Variants in EPHX1 observed in about 807,000 individuals in gnomAD.
EPHX1 encodes the protein epoxide hydratase.
In EPHX1, 40 loss-of-function variants were observed where a neutral mutation model predicts 43.2. That is an observed-to-expected ratio of 0.93 (90% CI 0.72 to 1.21). The LOEUF is 1.21. Among genes scored for constraint, EPHX1 ranks in the 50% most tolerant of loss-of-function variants. The pLI, the probability that EPHX1 is intolerant of heterozygous loss-of-function variation, is 0.00. For missense variants in EPHX1, 550 were observed against 570.4 expected (o/e 0.96, Z 0.36); for synonymous variants, 221 against 226.7 (o/e 0.98, Z 0.22).
At chr1:225,824,827 A>AC (rs1305767870) in intron 1 of EPHX1, among the ~76,000 whole-genome samples, 2 of 152,232 alleles carry the variant, frequency 1.3e-5, no homozygotes, top group East Asian at 1.9e-4. Context: ...TTGGAAACCC[A>AC]CCCCCACACA....
In EPHX1 at chr1:225,839,855, T is replaced by C. The variant is rs771039236; in HGVS notation, c.749T>C (p.Met250Thr). The change falls in exon 6 of 9, where the codon ATG becomes ACG. Residue 250 changes from methionine (M) to threonine (T), a missense_variant. Met to Thr is a moderately conservative substitution (Grantham distance 81). Coordinates refer to ENST00000272167, the MANE Select transcript of EPHX1 (RefSeq NM_001136018.4). Reference sequence around the variant, plus strand: ...CACGTGAAAGGCCTGCACTTGAACATGGCTTTGGTTTTAAGCAACTTCTCT... The same window carrying C: ...CACGTGAAAGGCCTGCACTTGAACACGGCTTTGGTTTTAAGCAACTTCTCT... ...PSHVKGLHLN[M>T]ALVLSNFSTL... is the part of the protein sequence containing the mutation. 1.7e-5 allele frequency: 27 copies of C among 1,614,010 alleles called. 1 individual carries two copies. The African/African-American group carries it at 3.3e-4, about 20-fold the overall frequency.
rs74815607 is a variant in EPHX1 at position 225,812,558 on chromosome 1, G to A, written c.-6+2389G>A. Among the ~76,000 whole-genome samples, 311 of 152,318 alleles carry A rather than the reference G, an allele frequency of 2.0e-3. 4 individuals carry two copies. The East Asian group carries it at 0.039, about 19-fold the overall frequency. ...TAACTGGCATTTTCAGGGAGCCCAG[G>A]TTCACCAATGCACAGTGCCCCTCCT... On this transcript the variant is annotated intron_variant, in intron 1 of 8. Coordinates refer to ENST00000272167, the MANE Select transcript of EPHX1 (RefSeq NM_001136018.4).
chr1:225,839,040 C>T (rs969639035), intron 4 of EPHX1, among the ~76,000 whole-genome samples, 159 bp downstream of exon 4: 12 of 152,208 alleles, frequency 7.9e-5, no homozygotes, highest in South Asian at 2.1e-4. Flanking sequence ...CACCGCCCTC[C>T]GGGGCTGGAG....
chr1:225,824,640 A>C (rs1461420644), intron 1 of EPHX1, among the ~76,000 whole-genome samples: 2 of 152,230 alleles, frequency 1.3e-5, no homozygotes, highest in African/African-American at 4.8e-5. Context: ...GGCTCAGTCA[A>C]GAGGGCGCCA....
chr1:225,831,919 G>A lies in EPHX1; in HGVS notation c.324G>A (p.Glu108=). 6.2e-7 allele frequency: 1 copy of A among 1,614,206 alleles called. No homozygotes were observed. Among genetic ancestry groups the A allele is most frequent in the Non-Finnish European group, 8.5e-7 (1 of 1,180,050 alleles). Residue 108 remains glutamate (E), a synonymous_variant, in exon 3 of 9, where the codon GAG becomes GAA. Coordinates refer to ENST00000272167, the MANE Select transcript of EPHX1 (RefSeq NM_001136018.4). The part of the protein sequence containing the change: ...RNEFDWKKQV[E]ILNRYPHFKT... ...AATTTGACTGGAAGAAGCAGGTGGA[G>A]ATTCTCAACAGATACCCTCACTTCA...
rs893738038 is a variant in EPHX1 at position 225,838,537 on chromosome 1, G to A, written c.365-117G>A. On this transcript the variant is annotated intron_variant, in intron 3 of 8. Coordinates refer to ENST00000272167, the MANE Select transcript of EPHX1 (RefSeq NM_001136018.4). ...CCTTATTACTGTCAATACCATGAAG[G>A]GGCGGCGGGGGCACTAAGGGTGGCA... 1.1e-5 allele frequency: 9 copies of A among 820,094 alleles called. No homozygotes were observed. In the Admixed American group the frequency reaches 1.3e-4, roughly 11 times the overall value. The allele number at this position is 820,094 out of a possible 1,614,324, so 50.8% of individuals were successfully genotyped here.
chr1:225,828,566 A>G (rs41266227), intron 1 of EPHX1, among the ~76,000 whole-genome samples, 159 bp from the exon 2 acceptor site: 4,868 of 148,122 alleles, frequency 0.033, 128 homozygotes, highest in Non-Finnish European at 0.051. Flanking sequence ...TAGTGTGTGT[A>G]TATATATATA....
intron 7 of EPHX1, among the ~76,000 whole-genome samples, chr1:225,843,742 G>A (rs184073396): frequency 1.6e-4 from 24 of 152,340 alleles, no homozygotes; most frequent in East Asian, 7.7e-4. Flanking sequence ...GGTCGTGGTC[G>A]TTTTCAAGCT....
chr1:225,842,405 A>G lies in EPHX1; in HGVS notation c.971A>G (p.Tyr324Cys), dbSNP rs1047150720. 3.1e-6 allele frequency: 5 copies of G among 1,613,992 alleles called. No individual in the cohort carries two copies. The highest frequency in any genetic ancestry group is 1.1e-5 in the South Asian group (1 of 91,086). Residue 324 changes from tyrosine to cysteine, a missense_variant, in exon 7 of 9, where the codon TAT (tyrosine) becomes TGT (cysteine). By Grantham distance (194) the Tyr-to-Cys change is radical. Coordinates refer to ENST00000272167, the MANE Select transcript of EPHX1 (RefSeq NM_001136018.4). Reference protein sequence around the residue: ...LNDSPVGLAAYILEKFSTWTN... With the variant: ...LNDSPVGLAACILEKFSTWTN... ...GACTCTCCTGTGGGTCTGGCTGCCT[A>G]TATTCTAGAGAAGTTTTCCACCTGG... is the stretch of plus-strand genomic sequence containing the variant.
chr1:225,831,828 A>T lies in EPHX1; in HGVS notation c.233A>T (p.Asp78Val). 1 of 1,614,196 alleles carries T rather than the reference A, an allele frequency of 6.2e-7. No homozygotes were observed. The highest frequency in any genetic ancestry group is 8.5e-7 in the Non-Finnish European group (1 of 1,180,044). Reference protein sequence around the residue: ...DKFRFTPPLEDSCFHYGFNSN... With the variant: ...DKFRFTPPLEVSCFHYGFNSN... ...TTCCGTTTCACCCCACCTTTGGAGG[A>T]CAGCTGCTTCCACTATGGCTTCAAC... The change falls in exon 3 of 9, where the codon GAC becomes GTC. Residue 78 changes from aspartate (D) to valine (V), a missense_variant. Coordinates refer to ENST00000272167, the MANE Select transcript of EPHX1 (RefSeq NM_001136018.4).
At chr1:225,838,631 C>G (rs756520415) in intron 3 of EPHX1, 23 bp from the exon 4 acceptor site, 4 of 1,605,920 alleles carry the variant, frequency 2.5e-6, no homozygotes, top group Non-Finnish European at 3.4e-6. Context: ...TCCCTCCACC[C>G]TGACTGTGCT....
intron 1 of EPHX1, among the ~76,000 whole-genome samples, chr1:225,821,635 A>G (rs1296707256): frequency 8.0e-6 from 1 of 125,314 alleles, no homozygotes; most frequent in Admixed American, 9.9e-5. Flanking sequence ...ATCATAGCTC[A>G]CTGCAGCCTC....
intron 3 of EPHX1, among the ~76,000 whole-genome samples, chr1:225,837,144 G>T (rs1668009520): frequency 6.6e-6 from 1 of 152,228 alleles, no homozygotes; most frequent in Non-Finnish European, 1.5e-5. Flanking sequence ...ATAAAGTTTA[G>T]ACAGACAACA....
Position 225,838,687 on chromosome 1 carries a change from C to A in EPHX1, c.398C>A (p.Pro133His), listed in dbSNP as rs1233021693. 2.5e-6 allele frequency: 4 copies of A among 1,614,050 alleles called. No homozygotes were observed. Among genetic ancestry groups the A allele is most frequent in the African/African-American group, 1.3e-5 (1 of 74,920 alleles). ...LDIHFIHVKP[P>H]QLPAGHTPKP... ...ATCCACTTCATCCACGTGAAGCCCCCCCAGCTGCCCGCAGGCCATACCCCG... is the reference window on the plus strand; with the variant it reads ...ATCCACTTCATCCACGTGAAGCCCCACCAGCTGCCCGCAGGCCATACCCCG... Residue 133 changes from proline (P) to histidine (H), a missense_variant, in exon 4 of 9, where the codon CCC becomes CAC. Pro to His is a moderately conservative substitution (Grantham distance 77). Transcript: ENST00000272167.
intron 2 of EPHX1, among the ~76,000 whole-genome samples, chr1:225,830,228 G>T (rs567710353): frequency 1.3e-5 from 2 of 152,322 alleles, no homozygotes; most frequent in East Asian, 3.9e-4. Flanking sequence ...CTTGCTTGCT[G>T]CAGCCTTGCT....
chr1:225,833,304 G>T (rs1244115578), intron 3 of EPHX1, among the ~76,000 whole-genome samples: 1 of 152,180 alleles, frequency 6.6e-6, no homozygotes, highest in African/African-American at 2.4e-5. Context: ...AGACATGTTG[G>T]TCAGTCAGAT....
At chr1:225,831,119 T>C (rs1218386381) in intron 2 of EPHX1, among the ~76,000 whole-genome samples, 1 of 70,588 alleles carries the variant, frequency 1.4e-5, no homozygotes, top group African/African-American at 3.9e-5. Context: ...GCTTTCACAC[T>C]ATGAAGACAG....
chr1:225,820,860 G>A (rs971168898), intron 1 of EPHX1, among the ~76,000 whole-genome samples: 2 of 151,952 alleles, frequency 1.3e-5, no homozygotes, highest in Non-Finnish European at 2.9e-5. Context: ...TCTGTTATCC[G>A]TTTGTCTGCC....
In EPHX1 at chr1:225,838,883, T is replaced by TAC; in HGVS notation, c.592+3_592+4dup. 6.2e-7 allele frequency: 1 copy of TAC among 1,613,866 alleles called. No homozygotes were observed. Among genetic ancestry groups the TAC allele is most frequent in the East Asian group, 2.2e-5 (1 of 44,866 alleles). ...TCTCAGAGGCATCCTCCAAGAAGGG[T>TAC]ACGGGGCTGCTAGAGGTTCCATAAC... On this transcript the variant is annotated splice_region_variant and intron_variant, in intron 4 of 8. Coordinates refer to ENST00000272167, the MANE Select transcript of EPHX1 (RefSeq NM_001136018.4).
Sources: gnomAD v4.1 joint callset for allele counts (sites outside exome capture counted in the v4.1 genomes callset) on GRCh38, gnomAD v4.1.1 for gene constraint, MANE v1.5 for transcripts, NCBI Gene and HGNC (gene_info 2026-07-23, HGNC 2026-07-21) for gene names.